The following ACYP2 variants were observed in gnomAD, a reference collection of about 807,000 sequenced individuals.
ACYP2 encodes the protein acylphosphatase 2, also known as acylphosphatase-2.
In ACYP2, 12 loss-of-function variants were observed where a neutral mutation model predicts 11.2. That is an observed-to-expected ratio of 1.08 (90% CI 0.69 to 1.74). The LOEUF is 1.74. ACYP2 is among the 40% of genes most tolerant of loss of function. The probability of loss-of-function intolerance (pLI) is 0.00; values close to 1 mark genes in which losing one functional copy is unlikely to be tolerated. For missense variants in ACYP2, 134 were observed against 101.9 expected, an observed-to-expected ratio of 1.31 and a Z score of -1.35; for synonymous variants, 43 against 32.2, an observed-to-expected ratio of 1.33 and a Z score of -1.13.
chr2:54,270,238 TTG>T (rs1419073667), intron 6 of ACYP2, among the ~76,000 whole-genome samples: 2 of 152,186 alleles, frequency 1.3e-5, no homozygotes, highest in Non-Finnish European at 2.9e-5. Flanking sequence ...AGCTATTTTT[TTG>T]TGTGATTTCC....
At chr2:54,140,852 G>C (rs1251867909) in intron 6 of ACYP2, among the ~76,000 whole-genome samples, 1 of 152,128 alleles carries the variant, frequency 6.6e-6, no homozygotes, top group African/African-American at 2.4e-5. Context: ...GTTCCCAGGA[G>C]TGTGATTTGT....
intron 2 of ACYP2, among the ~76,000 whole-genome samples, chr2:54,019,612 A>ATTT (rs1014533809): frequency 1.3e-5 from 2 of 148,574 alleles, no homozygotes; most frequent in African/African-American, 4.9e-5. Flanking sequence ...CTGTGCTTTT[A>ATTT]TTATTATTAT....
intron 6 of ACYP2, among the ~76,000 whole-genome samples, chr2:54,240,727 G>A (rs953553596): frequency 6.6e-6 from 1 of 152,104 alleles, no homozygotes; most frequent in Non-Finnish European, 1.5e-5. Flanking sequence ...TCTGGCAAAC[G>A]GGGTGGGGAA....
chr2:54,148,268 T>A (rs1437046425), intron 6 of ACYP2, among the ~76,000 whole-genome samples: 1 of 152,112 alleles, frequency 6.6e-6, no homozygotes, highest in Non-Finnish European at 1.5e-5. Context: ...AAAATTCTCT[T>A]GGCCAGGAAG....
At chr2:54,160,760 C>T (rs1558578151) in intron 6 of ACYP2, among the ~76,000 whole-genome samples, 1 of 152,170 alleles carries the variant, frequency 6.6e-6, no homozygotes, top group Non-Finnish European at 1.5e-5. Context: ...GTCCTTCTGT[C>T]AGCAATGGGG....
At chr2:54,125,222 C>A (rs960139302) in intron 4 of ACYP2, among the ~76,000 whole-genome samples, 4 of 151,916 alleles carry the variant, frequency 2.6e-5, no homozygotes, top group Non-Finnish European at 5.9e-5. Context: ...TATAAAACAA[C>A]CAATTTGACC....
At chr2:54,296,556 T>C (rs1689531467) in intron 6 of ACYP2, among the ~76,000 whole-genome samples, 2 of 152,228 alleles carry the variant, frequency 1.3e-5, no homozygotes. Context: ...TCATTGTCCT[T>C]TTCCATTCCA....
intron 4 of ACYP2, among the ~76,000 whole-genome samples, chr2:54,057,812 C>CT (rs1158078523): frequency 6.6e-6 from 1 of 152,104 alleles, no homozygotes; most frequent in African/African-American, 2.4e-5. Flanking sequence ...AGGGAAGGCC[C>CT]TGGGTGATGT....
Position 54,215,619 on chromosome 2 carries a change from TC to T in ACYP2, c.404+76873del, listed in dbSNP as rs563657192. Among the ~76,000 whole-genome samples, 331 of 152,294 alleles carry T rather than the reference TC, an allele frequency of 2.2e-3. 2 individuals are homozygous for T. Among genetic ancestry groups the T allele is most frequent in the African/African-American group, 7.3e-3 (302 of 41,554 alleles). ...CTATTGTGGTTTGGGCATATATTCT[TC>T]CAGACTTGTAACTTCACAATAAATT... On this transcript the variant is annotated intron_variant, in intron 6 of 6. Transcript: ENST00000607452.
intron 6 of ACYP2, among the ~76,000 whole-genome samples, chr2:54,162,601 A>C (rs904122453): frequency 6.6e-6 from 1 of 152,128 alleles, no homozygotes; most frequent in Non-Finnish European, 1.5e-5. Flanking sequence ...ATGGGGCCCA[A>C]CAATCTGTTT....
chr2:54,260,455 C>A (rs547748321), intron 6 of ACYP2, among the ~76,000 whole-genome samples: 1 of 152,270 alleles, frequency 6.6e-6, no homozygotes, highest in East Asian at 1.9e-4. Flanking sequence ...ATTCAACTTA[C>A]AGCTGCAGTG....
chr2:54,189,820 C>T (rs1228054572), intron 6 of ACYP2, among the ~76,000 whole-genome samples: 3 of 152,156 alleles, frequency 2.0e-5, no homozygotes, highest in Non-Finnish European at 4.4e-5. Flanking sequence ...TCTTCATCCC[C>T]ACCAACAGTG....
chr2:54,284,601 A>G (rs745716932), intron 6 of ACYP2, among the ~76,000 whole-genome samples: 1 of 151,428 alleles, frequency 6.6e-6, no homozygotes, highest in South Asian at 2.1e-4. Context: ...TTTTTATCCC[A>G]TCATTCCCAT....
At chr2:54,261,149 G>A (rs1372883269) in intron 6 of ACYP2, among the ~76,000 whole-genome samples, 1 of 152,186 alleles carries the variant, frequency 6.6e-6, no homozygotes, top group Non-Finnish European at 1.5e-5. Context: ...TGAAAGGTGA[G>A]TAGTGATATT....
chr2:54,264,454 A>G (rs1050164235), intron 6 of ACYP2, among the ~76,000 whole-genome samples: 3 of 152,176 alleles, frequency 2.0e-5, no homozygotes, highest in Non-Finnish European at 2.9e-5. Flanking sequence ...CCCGACCCAG[A>G]AGCCCAGCTG....
intron 6 of ACYP2, among the ~76,000 whole-genome samples, chr2:54,187,441 C>G (rs1684060946): frequency 1.3e-5 from 2 of 152,186 alleles, no homozygotes; most frequent in African/African-American, 4.8e-5. Flanking sequence ...TGGCCTGAGA[C>G]TACGTCCAGG....
intron 6 of ACYP2, among the ~76,000 whole-genome samples, chr2:54,272,628 C>G (rs1268131367): frequency 6.6e-6 from 1 of 152,214 alleles, no homozygotes; most frequent in African/African-American, 2.4e-5. Context: ...CAATGATGTC[C>G]TCATCCAAAT....
chr2:54,062,030 C>T lies in ACYP2; in HGVS notation c.277+4670C>T, dbSNP rs150259691. ...ATTATATTGGCTTTAAAGTGTTTTGCGTAAGTTGCATTGCCTCTGAATTCC... is the reference window on the plus strand; with the variant it reads ...ATTATATTGGCTTTAAAGTGTTTTGTGTAAGTTGCATTGCCTCTGAATTCC... On this transcript the variant is annotated intron_variant, in intron 4 of 6. Transcript: ENST00000607452. Among the ~76,000 whole-genome samples, 6 of 152,154 alleles carry T rather than the reference C, an allele frequency of 3.9e-5. No individual in the cohort carries two copies. The East Asian group carries it at 5.8e-4, about 15-fold the overall frequency.
At chr2:54,073,225 T>C (rs962207949) in intron 4 of ACYP2, among the ~76,000 whole-genome samples, 1 of 152,118 alleles carries the variant, frequency 6.6e-6, no homozygotes, top group African/African-American at 2.4e-5. Flanking sequence ...TCACACCATA[T>C]GTAAGAATAA....
Sources: allele counts gnomAD v4.1 joint callset (sites outside exome capture counted in the v4.1 genomes callset), GRCh38; gene constraint gnomAD v4.1.1; transcripts MANE v1.5; gene names NCBI Gene and HGNC (gene_info 2026-07-23, HGNC 2026-07-21).